SVOPL: variants seen among roughly 807,000 people sequenced by gnomAD.
The protein encoded by SVOPL is SVOP like, also known as putative transporter SVOPL.
In SVOPL, 60 loss-of-function variants were observed where a neutral mutation model predicts 61.0. The observed-to-expected ratio is 0.98, with a 90% CI of 0.80 to 1.22. The LOEUF is 1.22. Among genes scored for constraint, SVOPL ranks in the 50% most tolerant of loss-of-function variants. The pLI is 0.00. For synonymous variants in SVOPL, 279 were observed against 250.0 expected, an observed-to-expected ratio of 1.12 and a Z score of -1.09; for missense variants, 662 against 643.9, an observed-to-expected ratio of 1.03 and a Z score of -0.30.
At chr7:138,610,504 T>C (rs573643112) in intron 14 of SVOPL, among the ~76,000 whole-genome samples, 2 of 152,254 alleles carry the variant, frequency 1.3e-5, no homozygotes, top group Non-Finnish European at 2.9e-5. Context: ...TTCTACTTTG[T>C]AGGTTTTTGT....
intron 14 of SVOPL, among the ~76,000 whole-genome samples, chr7:138,616,449 G>A (rs2116846922): frequency 6.6e-6 from 1 of 151,606 alleles, no homozygotes; most frequent in South Asian, 2.1e-4. Context: ...CAATTCTCCT[G>A]CCTGAGCCTC....
At chr7:138,661,119 C>T (rs1250958033) in intron 5 of SVOPL, 3 of 985,194 alleles carry the variant, frequency 3.0e-6, no homozygotes, top group African/African-American at 1.7e-5. Flanking sequence ...AACATACAGC[C>T]AATTCTACTA....
At chr7:138,671,099 G>A (rs1440571409) in intron 4 of SVOPL, among the ~76,000 whole-genome samples, 1 of 151,930 alleles carries the variant, frequency 6.6e-6, no homozygotes, top group African/African-American at 2.4e-5. Flanking sequence ...TTGCATGGAG[G>A]GTTTATATGT....
chr7:138,687,975 T>C (rs1802857297), intron 1 of SVOPL, among the ~76,000 whole-genome samples: 1 of 151,722 alleles, frequency 6.6e-6, no homozygotes, highest in Non-Finnish European at 1.5e-5. Flanking sequence ...CTAATTTTTG[T>C]ATTTTTTAGT....
At position 138,673,342 on chromosome 7, in the gene SVOPL, A is replaced by G. The variant is rs574389522; in HGVS notation, c.175-1225T>C. ...GCTGGCAAGTTTTAGTTCAACAGGT[A>G]TCAGAAGTAAGAGAGCATAATTATC... On this transcript the variant is annotated intron_variant, in intron 3 of 15. Transcript: ENST00000674285. Among the ~76,000 whole-genome samples, 75 of 152,288 alleles carry G rather than the reference A, an allele frequency of 4.9e-4. 1 individual carries two copies. In the South Asian group the frequency reaches 0.011, roughly 21 times the overall value.
At chr7:138,621,978 CTATCTATCTATGTATCTATCTATCTATG>C (rs1799617215) in intron 13 of SVOPL, among the ~76,000 whole-genome samples, 1 of 51,124 alleles carries the variant, frequency 2.0e-5, no homozygotes, top group African/African-American at 6.2e-5. Context: ...ATCTATGTAT[CTATCTATCTATGTATCTATCTATCTATG>C]TATCTATCTA....
chr7:138,595,106 C>T (rs1479985816), intron 15 of SVOPL, among the ~76,000 whole-genome samples: 4 of 151,970 alleles, frequency 2.6e-5, no homozygotes, highest in East Asian at 1.9e-4. Flanking sequence ...CCAGACTTGT[C>T]GAATCAGAGT....
chr7:138,657,708 C>T (rs570759035), intron 6 of SVOPL, among the ~76,000 whole-genome samples: 2 of 152,236 alleles, frequency 1.3e-5, no homozygotes, highest in South Asian at 4.2e-4. Flanking sequence ...GCTTCTACTC[C>T]TTTAGGGCTC....
At chr7:138,605,350 C>T (rs1563082679) in intron 14 of SVOPL, among the ~76,000 whole-genome samples, 1 of 151,914 alleles carries the variant, frequency 6.6e-6, no homozygotes. Flanking sequence ...AGAAAATTTT[C>T]CCATGTCTTT....
chr7:138,644,362 T>A (rs1160653610), intron 9 of SVOPL, among the ~76,000 whole-genome samples: 1 of 152,014 alleles, frequency 6.6e-6, no homozygotes, highest in East Asian at 1.9e-4. Context: ...TTCAGAGATA[T>A]GAAAAAAGTC....
intron 1 of SVOPL, among the ~76,000 whole-genome samples, 200 bp downstream of exon 1, chr7:138,700,978 C>A (rs1803183160): frequency 6.6e-6 from 1 of 152,012 alleles, no homozygotes; most frequent in African/African-American, 2.4e-5. Flanking sequence ...GTTTTTTAAC[C>A]AGAAATAATT....
chr7:138,655,057 A>C (rs1801653930), intron 7 of SVOPL, among the ~76,000 whole-genome samples: 1 of 151,584 alleles, frequency 6.6e-6, no homozygotes, highest in South Asian at 2.1e-4. Context: ...TGGCGTAGTG[A>C]TGCGCACCTG....
At chr7:138,687,275 G>A (rs1228900147) in intron 1 of SVOPL, among the ~76,000 whole-genome samples, 3 of 109,780 alleles carry the variant, frequency 2.7e-5, no homozygotes, top group African/African-American at 1.1e-4. Flanking sequence ...CACTAGCGTT[G>A]CCTAGGCTGG....
chr7:138,678,530 C>G lies in SVOPL; in HGVS notation c.83-5G>C, dbSNP rs1200481727. 4 of 1,551,566 alleles carry G rather than the reference C, an allele frequency of 2.6e-6. No homozygotes were observed. Among genetic ancestry groups the G allele is most frequent in the Non-Finnish European group, 3.5e-6 (4 of 1,146,998 alleles). ...CCACGGTGAACGTCTTTGGCTCTAA[C>G]AACGAAAGACAAAGTGGAAAAAATT... On this transcript the variant is annotated splice_polypyrimidine_tract_variant and splice_region_variant and intron_variant, in intron 2 of 15. Transcript: ENST00000674285.
chr7:138,648,943 T>C, intron 8 of SVOPL, 69 bp downstream of exon 8: 3 of 1,600,846 alleles, frequency 1.9e-6, no homozygotes, highest in South Asian at 2.2e-5. Flanking sequence ...TAAAAGATAT[T>C]TGTGGGGCAT....
At chr7:138,605,440 TCACC>T (rs1193464513) in intron 14 of SVOPL, among the ~76,000 whole-genome samples, 1 of 151,956 alleles carries the variant, frequency 6.6e-6, no homozygotes, top group African/African-American at 2.4e-5. Flanking sequence ...GGCAGATGGA[TCACC>T]CAAGGTCAGG....
In SVOPL at chr7:138,672,656, T is replaced by TAA. The variant is rs35593361; in HGVS notation, c.175-541_175-540dup. Among the ~76,000 whole-genome samples, 32 of 118,822 alleles carry TAA rather than the reference T, an allele frequency of 2.7e-4. 2 individuals carry two copies. The highest frequency in any genetic ancestry group is 9.5e-4 in the Admixed American group (11 of 11,630). 78.0% of individuals were successfully genotyped at this position (118,822 alleles called of 152,430 possible). On this transcript the variant is annotated intron_variant, in intron 3 of 15. Transcript: ENST00000674285. Reference sequence around the variant, plus strand: ...GCAGGAAAGTGTTTTTTTTTGTGTTTAAAAAAAAAAAAAAAAAAAGAAGCA... The same window carrying TAA: ...GCAGGAAAGTGTTTTTTTTTGTGTTTAAAAAAAAAAAAAAAAAAAAAGAAGCA...
chr7:138,610,351 C>CT lies in SVOPL; in HGVS notation c.1353+10694dup, dbSNP rs202142801. Among the ~76,000 whole-genome samples, 649 of 145,910 alleles carry CT rather than the reference C, an allele frequency of 4.4e-3. 3 individuals carry two copies. Among genetic ancestry groups the CT allele is most frequent in the African/African-American group, 9.2e-3 (367 of 39,996 alleles). ...ATGATATTTGGGTGAAATTTATACTCTTTTTTTTTTTATTTGAGCCTACAT... is the reference window on the plus strand; with the variant it reads ...ATGATATTTGGGTGAAATTTATACTCTTTTTTTTTTTTATTTGAGCCTACAT... On this transcript the variant is annotated intron_variant, in intron 14 of 15. Coordinates refer to ENST00000674285, the MANE Select transcript of SVOPL (RefSeq NM_001139456.2).
At chr7:138,651,129 C>G (rs757419277) in intron 7 of SVOPL, among the ~76,000 whole-genome samples, 2 of 151,960 alleles carry the variant, frequency 1.3e-5, no homozygotes, top group Non-Finnish European at 2.9e-5. Flanking sequence ...CCACCAGGAT[C>G]GTTGGAAGGG....
Sources: allele counts gnomAD v4.1 joint callset (sites outside exome capture counted in the v4.1 genomes callset), GRCh38; gene constraint gnomAD v4.1.1; transcripts MANE v1.5; gene names NCBI Gene and HGNC (gene_info 2026-07-23, HGNC 2026-07-21).